LINGO2: variants seen among roughly 807,000 people sequenced by gnomAD.
LINGO2 encodes the protein leucine-rich repeat and immunoglobulin-like domain-containing nogo receptor-interacting protein 2.
Under a neutral mutation model 30.6 loss-of-function variants are expected in LINGO2, and 14 were observed. The observed-to-expected ratio is 0.46, with a 90% CI of 0.30 to 0.72. The LOEUF (loss-of-function observed/expected upper bound fraction) is 0.72, where lower values mean the gene tolerates loss of function less well. Among genes scored for constraint, LINGO2 ranks in the 30% least tolerant of loss-of-function variants. The pLI is 0.07. For missense variants in LINGO2, 729 were observed against 751.7 expected (o/e 0.97, Z 0.35); for synonymous variants, 317 against 288.5 (o/e 1.10, Z -1.00).
chr9:28,675,928 T>TACACAC, the LINGO2 span, among the ~76,000 whole-genome samples: 2 of 135,680 alleles, frequency 1.5e-5, no homozygotes, highest in East Asian at 2.2e-4. Context: ...TATATATACA[T>TACACAC]ACACACACAC....
chr9:28,181,006 G>A (rs1299044879), intron 4 of LINGO2, among the ~76,000 whole-genome samples: 2 of 152,144 alleles, frequency 1.3e-5, no homozygotes, highest in African/African-American at 4.8e-5. Context: ...GCATCAACGT[G>A]AGAAAATGTA....
intron 1 of LINGO2, among the ~76,000 whole-genome samples, chr9:28,506,419 T>TACACACAC (rs1189901713): frequency 3.0e-4 from 1 of 3,348 alleles, no homozygotes; most frequent in African/African-American, 5.1e-4. Flanking sequence ...TATATATATA[T>TACACACAC]ATACACACAC....
At chr9:28,954,927 C>G in the LINGO2 span, among the ~76,000 whole-genome samples, 2 of 152,112 alleles carry the variant, frequency 1.3e-5, no homozygotes, top group African/African-American at 4.8e-5. Flanking sequence ...AACTGCCCTG[C>G]TCATAATTGC....
intron 4 of LINGO2, among the ~76,000 whole-genome samples, chr9:28,210,454 C>A (rs1820549369): frequency 6.6e-6 from 1 of 151,500 alleles, no homozygotes; most frequent in Non-Finnish European, 1.5e-5. Context: ...AATGACTTGG[C>A]TTTCTTTATA....
intron 4 of LINGO2, among the ~76,000 whole-genome samples, chr9:28,171,424 A>C (rs1828578337): frequency 6.6e-6 from 1 of 152,160 alleles, no homozygotes. Flanking sequence ...CTGTACCTGA[A>C]AGGGTCACTT....
At chr9:27,980,062 G>C (rs535946036) in intron 5 of LINGO2, among the ~76,000 whole-genome samples, 2 of 151,974 alleles carry the variant, frequency 1.3e-5, no homozygotes, top group East Asian at 3.9e-4. Flanking sequence ...TCCAACACCA[G>C]CTGTTCAGAG....
At chr9:28,899,849 C>T in the LINGO2 span, among the ~76,000 whole-genome samples, 1 of 152,188 alleles carries the variant, frequency 6.6e-6, no homozygotes. Context: ...AAGGCCACCC[C>T]TGTGGCTCCA....
chr9:28,752,787 GA>G, the LINGO2 span, among the ~76,000 whole-genome samples: 3 of 151,908 alleles, frequency 2.0e-5, no homozygotes, highest in African/African-American at 7.3e-5. Context: ...GCTTTATACA[GA>G]AAAAAAGTGA....
chr9:28,368,110 A>G (rs1386439486), intron 3 of LINGO2, among the ~76,000 whole-genome samples: 1 of 152,052 alleles, frequency 6.6e-6, no homozygotes, highest in Non-Finnish European at 1.5e-5. Context: ...AGGGGATATA[A>G]TGTCTCATCA....
the LINGO2 span, among the ~76,000 whole-genome samples, chr9:28,741,262 G>A: frequency 7.9e-5 from 12 of 152,074 alleles, no homozygotes; most frequent in East Asian, 1.2e-3. Flanking sequence ...AGGTGCCAAC[G>A]TGGTGCATGA....
chr9:28,237,516 G>A (rs1438072020), intron 4 of LINGO2, among the ~76,000 whole-genome samples: 4 of 151,990 alleles, frequency 2.6e-5, no homozygotes, highest in Non-Finnish European at 5.9e-5. Flanking sequence ...TGGCTGAATG[G>A]ATTAAAAAAA....
chr9:29,070,239 A>G, the LINGO2 span, among the ~76,000 whole-genome samples: 1 of 152,146 alleles, frequency 6.6e-6, no homozygotes, highest in Non-Finnish European at 1.5e-5. Context: ...GTGGCAAGAG[A>G]GAAAACATAG....
At chr9:28,906,995 T>C in the LINGO2 span, among the ~76,000 whole-genome samples, 2 of 151,986 alleles carry the variant, frequency 1.3e-5, no homozygotes, top group East Asian at 3.8e-4. Context: ...GCAAATTTTA[T>C]AAGTGCTGAC....
At chr9:28,871,592 A>C in the LINGO2 span, among the ~76,000 whole-genome samples, 1 of 152,016 alleles carries the variant, frequency 6.6e-6, no homozygotes, top group Non-Finnish European at 1.5e-5. Context: ...GCTTAGGAAC[A>C]CTGTCAGCTA....
Position 28,580,590 on chromosome 9 carries a change from G to A in LINGO2, c.-365+89610C>T, listed in dbSNP as rs73644077. Reference sequence around the variant, plus strand: ...TCACTTCTACTGTGGGGAAAAAAGTGACACATTAACTGTAGAAATGGAATG... The same window carrying A: ...TCACTTCTACTGTGGGGAAAAAAGTAACACATTAACTGTAGAAATGGAATG... On this transcript the variant is annotated intron_variant, in intron 1 of 5. Coordinates refer to ENST00000379992, the Ensembl canonical transcript of LINGO2. 9.8e-3 allele frequency among the ~76,000 whole-genome samples: 1,497 copies of A among 152,058 alleles called. 22 individuals are homozygous for A. Among genetic ancestry groups the A allele is most frequent in the African/African-American group, 0.032 (1,324 of 41,468 alleles).
chr9:28,922,227 T>C, the LINGO2 span, among the ~76,000 whole-genome samples: 5 of 152,174 alleles, frequency 3.3e-5, no homozygotes, highest in African/African-American at 1.2e-4. Flanking sequence ...ATTATCTGAG[T>C]AGGTAACACA....
At chr9:28,656,783 T>C (rs1433497084) in intron 1 of LINGO2, among the ~76,000 whole-genome samples, 1 of 152,140 alleles carries the variant, frequency 6.6e-6, no homozygotes, top group African/African-American at 2.4e-5. Flanking sequence ...AATTCCCCTA[T>C]CCATTAGTGT....
intron 4 of LINGO2, among the ~76,000 whole-genome samples, chr9:28,291,273 G>A (rs1386673594): frequency 2.0e-5 from 3 of 152,294 alleles, no homozygotes; most frequent in Non-Finnish European, 1.5e-5. Flanking sequence ...AGGAAGAGAA[G>A]GATTGGTGGA....
chr9:28,793,331 C>G, the LINGO2 span, among the ~76,000 whole-genome samples: 2 of 152,238 alleles, frequency 1.3e-5, no homozygotes, highest in East Asian at 3.9e-4. Context: ...TAGACCAAAG[C>G]CTATCATCTA....
Sources: allele counts gnomAD v4.1 joint callset (sites outside exome capture counted in the v4.1 genomes callset), GRCh38; gene constraint gnomAD v4.1.1; transcripts MANE v1.5; gene names NCBI Gene and HGNC (gene_info 2026-07-23, HGNC 2026-07-21).